EPS8L2: variants seen among roughly 807,000 people sequenced by gnomAD.
EPS8L2 encodes EPS8 signaling adaptor L2.
EPS8L2 carries 81 observed loss-of-function variants against 99.4 expected under a neutral mutation model. That is an observed-to-expected ratio of 0.82 (90% CI 0.68 to 0.98). The LOEUF (loss-of-function observed/expected upper bound fraction) is 0.98, where lower values mean the gene tolerates loss of function less well. EPS8L2 is among the 50% of genes least tolerant of loss of function. The probability of loss-of-function intolerance (pLI) is 0.00; values close to 1 mark genes in which losing one functional copy is unlikely to be tolerated. For missense variants in EPS8L2, 1,155 were observed against 968.8 expected, an observed-to-expected ratio of 1.19 and a Z score of -2.55; for synonymous variants, 509 against 407.3, an observed-to-expected ratio of 1.25 and a Z score of -3.01.
At chr11:722,613 G>C (rs1236760818) in intron 13 of EPS8L2, 60 bp from the exon 14 acceptor site, 37 of 1,609,528 alleles carry the variant, frequency 2.3e-5, no homozygotes, top group Non-Finnish European at 3.0e-5. Context: ...GGGCCAGCAA[G>C]GGGGTCCTGG....
Position 724,854 on chromosome 11 carries a change from A to G in EPS8L2, c.1560+25A>G, listed in dbSNP as rs767417956. ...GGTGAGGGGCTGGAGGACGGGGTCC[A>G]AGAGGGGGAAACAGGGCAGGGCTTC... On this transcript the variant is annotated intron_variant, in intron 16 of 20. Coordinates refer to ENST00000318562, the MANE Select transcript of EPS8L2 (RefSeq NM_022772.4). The surrounding 1 kb of genome is among the most constrained non-coding windows in gnomAD (Gnocchi z 5.5). 1 of 1,557,382 alleles carries G rather than the reference A, an allele frequency of 6.4e-7. No individual in the cohort carries two copies. The highest frequency in any genetic ancestry group is 1.1e-5 in the South Asian group (1 of 89,808).
chr11:713,402 G>A (rs1861938180), intron 4 of EPS8L2, among the ~76,000 whole-genome samples: 1 of 152,226 alleles, frequency 6.6e-6, no homozygotes, highest in African/African-American at 2.4e-5. Context: ...GTGTGTTTGA[G>A]ACGGAGTCTC....
At chr11:709,668 G>T in intron 3 of EPS8L2, 60 bp downstream of exon 3, 3 of 1,575,894 alleles carry the variant, frequency 1.9e-6, no homozygotes, top group Non-Finnish European at 2.6e-6. Context: ...CTGCATCCAG[G>T]TGGGGGACAG....
intron 4 of EPS8L2, among the ~76,000 whole-genome samples, chr11:714,655 AT>A (rs1406584714): frequency 7.8e-6 from 1 of 128,212 alleles, no homozygotes; most frequent in African/African-American, 3.3e-5. Flanking sequence ...TTTATTTTAT[AT>A]TTATTTTATT....
chr11:709,392 C>T lies in EPS8L2; in HGVS notation c.-16C>T, dbSNP rs200256444. The T allele has an allele frequency of 2.1e-5, 33 of 1,572,706 alleles. No individual in the cohort carries two copies. The highest frequency in any genetic ancestry group is 1.7e-4 in the Middle Eastern group (1 of 5,900). On this transcript the variant is annotated 5_prime_UTR_variant, in exon 2 of 21. Coordinates refer to ENST00000318562, the MANE Select transcript of EPS8L2 (RefSeq NM_022772.4). ...TGAGGTCTGCCCTTCTCCCGCTGGC[C>T]GCCACCCAAGACACCATGAGCCAGT...
At position 721,152 on chromosome 11, in the gene EPS8L2, G is replaced by T. The variant is rs1280062870; in HGVS notation, c.646G>T (p.Asp216Tyr). 1.3e-6 allele frequency: 2 copies of T among 1,536,416 alleles called. No individual in the cohort carries two copies. The highest frequency in any genetic ancestry group is 2.0e-5 in the Admixed American group (1 of 50,256). Reference sequence around the variant, plus strand: ...CATCCCCTTCCAGCACCGCGGCGGGGATTCCCCGGAGGCCAAGAATCGCGT... The same window carrying T: ...CATCCCCTTCCAGCACCGCGGCGGGTATTCCCCGGAGGCCAAGAATCGCGT... ...APIPFQHRGG[D>Y]SPEAKNRVGP... is the part of the protein sequence containing the mutation. Residue 216 changes from aspartate to tyrosine, a missense_variant, in exon 8 of 21, where the codon GAT (aspartate) becomes TAT (tyrosine). Transcript: ENST00000318562.
chr11:718,008 C>CA (rs1409167058), intron 4 of EPS8L2, among the ~76,000 whole-genome samples: 4 of 143,950 alleles, frequency 2.8e-5, no homozygotes, highest in Non-Finnish European at 4.5e-5. Context: ...GACTCCGTTT[C>CA]AAAAAAAAGA....
chr11:708,945 C>A (rs1861807391), intron 1 of EPS8L2: 1 of 140,900 alleles, frequency 7.1e-6, no homozygotes, highest in Non-Finnish European at 1.6e-5. Flanking sequence ...CCAACCCCCA[C>A]CGCACCCCCC....
intron 12 of EPS8L2, 78 bp from the exon 13 acceptor site, chr11:722,323 G>A: frequency 6.3e-7 from 1 of 1,574,988 alleles, no homozygotes; most frequent in Non-Finnish European, 8.6e-7. Context: ...CCTTCCCGAG[G>A]GCCAGCCTGT....
Position 725,614 on chromosome 11 carries a change from A to G in EPS8L2, c.1561-114A>G, listed in dbSNP as rs186808015. The G allele has an allele frequency of 3.9e-6, 4 of 1,020,146 alleles. No homozygotes were observed. The East Asian group carries it at 9.8e-5, about 25-fold the overall frequency. 63.2% of individuals were successfully genotyped at this position (1,020,146 alleles called of 1,614,324 possible). On this transcript the variant is annotated intron_variant, in intron 16 of 20. Coordinates refer to ENST00000318562, the MANE Select transcript of EPS8L2 (RefSeq NM_022772.4). The stretch of plus-strand genomic sequence containing the variant: ...CAGGGGTGCGGAGAGAATGGAGCGA[A>G]GCGGGGCTCCGGGAGACCCTAGGGC...
rs1281926047 is a variant in EPS8L2 at position 706,254 on chromosome 11, G to C, written c.-113G>C. 1 of 152,042 alleles carries C rather than the reference G, an allele frequency of 6.6e-6. No homozygotes were observed. Among genetic ancestry groups the C allele is most frequent in the Non-Finnish European group, 1.5e-5 (1 of 67,964 alleles). The allele number at this position is 152,042 out of a possible 1,614,324, so 9.4% of individuals were successfully genotyped here. A position where few individuals can be genotyped will look rare whatever the true frequency, so the allele number is the denominator to read the frequency against. On this transcript the variant is annotated 5_prime_UTR_variant, in exon 1 of 21. Transcript: ENST00000318562. ...ACAGACGGACGCACCGGCGAGCGCC[G>C]AGGGGACAGGCCGAGCGCGGGGCGC...
intron 4 of EPS8L2, among the ~76,000 whole-genome samples, chr11:718,651 A>T (rs1371720008): frequency 3.4e-4 from 50 of 147,128 alleles, no homozygotes; most frequent in Non-Finnish European, 5.1e-4. Flanking sequence ...CACCTGGCTA[A>T]TTTTTTAATT....
chr11:714,675 T>TTA (rs72515768), intron 4 of EPS8L2, among the ~76,000 whole-genome samples: 1 of 81,790 alleles, frequency 1.2e-5, no homozygotes, highest in African/African-American at 1.0e-4. Context: ...TTTTATTTTA[T>TTA]TTTTTTTTGA....
intron 16 of EPS8L2, among the ~76,000 whole-genome samples, 182 bp from the exon 17 acceptor site, chr11:725,546 G>A (rs977174686): frequency 6.6e-6 from 1 of 152,174 alleles, no homozygotes; most frequent in Non-Finnish European, 1.5e-5. Context: ...CCTTGAGGCA[G>A]GGTGGGGGAG....
At chr11:716,235 G>A (rs1229082400) in intron 4 of EPS8L2, among the ~76,000 whole-genome samples, 20 of 150,590 alleles carry the variant, frequency 1.3e-4, no homozygotes, top group African/African-American at 7.3e-5. Context: ...AGCAAGCTCC[G>A]CCTCCCAGGT....
At position 721,953 on chromosome 11, in the gene EPS8L2, G is replaced by C; in HGVS notation, c.946G>C (p.Asp316His). Residue 316 changes from aspartate (D) to histidine (H), a missense_variant, in exon 11 of 21, where the codon GAC becomes CAC. By Grantham distance (81) the Asp-to-His change is moderately conservative. Transcript: ENST00000318562. Reference protein sequence around the residue: ...ARPPSEGEFIDCFQKIKLAIN... With the variant: ...ARPPSEGEFIHCFQKIKLAIN... ...GCCCCCCTCTGAGGGCGAGTTCATC[G>C]ACTGCTTCCAGAAAATCAAGCTGGC... 3 of 1,602,642 alleles carry C rather than the reference G, an allele frequency of 1.9e-6. No individual in the cohort carries two copies. Among genetic ancestry groups the C allele is most frequent in the Non-Finnish European group, 2.6e-6 (3 of 1,174,802 alleles).
At position 727,146 on chromosome 11, in the gene EPS8L2, A is replaced by G. The variant is rs2133544988; in HGVS notation, c.*165A>G. 1 of 597,002 alleles carries G rather than the reference A, an allele frequency of 1.7e-6. No individual in the cohort carries two copies. Among genetic ancestry groups the G allele is most frequent in the Admixed American group, 3.0e-5 (1 of 33,626 alleles). The allele number at this position is 597,002 out of a possible 1,614,324, so 37.0% of individuals were successfully genotyped here. A position where few individuals can be genotyped will look rare whatever the true frequency, so the allele number is the denominator to read the frequency against. ...GAGGCACAACGCCCATCCTTAGGCC[A>G]AACAGTACCCAAGGCCTCAGCCCAC... On this transcript the variant is annotated 3_prime_UTR_variant, in exon 21 of 21. Coordinates refer to ENST00000318562, the MANE Select transcript of EPS8L2 (RefSeq NM_022772.4).
At position 726,294 on chromosome 11, in the gene EPS8L2, G is replaced by A; in HGVS notation, c.1754-10G>A. ...AGGCAGCGGCGGGCCTGAGTCGCGC[G>A]CCCCCTCAGAGCTCATGCAGCACAT... On this transcript the variant is annotated splice_polypyrimidine_tract_variant and intron_variant, in intron 18 of 20. Transcript: ENST00000318562. The A allele has an allele frequency of 6.3e-7, 1 of 1,598,930 alleles. No homozygotes were observed. Among genetic ancestry groups the A allele is most frequent in the Non-Finnish European group, 8.5e-7 (1 of 1,173,368 alleles).
At position 721,219 on chromosome 11, in the gene EPS8L2, G is replaced by A. The variant is rs1862164748; in HGVS notation, c.700+13G>A. 1.3e-6 allele frequency: 2 copies of A among 1,533,282 alleles called. No individual in the cohort carries two copies. The highest frequency in any genetic ancestry group is 2.5e-5 in the East Asian group (1 of 40,734). 95.0% of individuals were successfully genotyped at this position (1,533,282 alleles called of 1,614,324 possible). ...CTCAGCGAGCCAGGTGGGCCGAGGGGCTGGAGGGGGCTCCACAGGGCTCGT... is the reference window on the plus strand; with the variant it reads ...CTCAGCGAGCCAGGTGGGCCGAGGGACTGGAGGGGGCTCCACAGGGCTCGT... On this transcript the variant is annotated intron_variant, in intron 8 of 20. Transcript: ENST00000318562.
Sources: allele counts gnomAD v4.1 joint callset (sites outside exome capture counted in the v4.1 genomes callset), GRCh38; gene constraint gnomAD v4.1.1; non-coding constraint Gnocchi (gnomAD v3.1); transcripts MANE v1.5; gene names NCBI Gene and HGNC (gene_info 2026-07-23, HGNC 2026-07-21).